KCNN2: variants seen among roughly 807,000 people sequenced by gnomAD.
KCNN2 encodes small conductance calcium-activated potassium channel protein 2.
A neutral mutation model predicts 55.5 loss-of-function variants in KCNN2; 24 were observed. The ratio of observed to expected loss-of-function variants is 0.43; its 90% CI spans 0.31 to 0.61. KCNN2 has a LOEUF of 0.61. Ranked by LOEUF, KCNN2 falls within the 20% of genes least tolerant of loss-of-function variation. The probability of loss-of-function intolerance (pLI) is 0.08; values close to 1 mark genes in which losing one functional copy is unlikely to be tolerated. For missense variants in KCNN2, 754 were observed against 853.6 expected (o/e 0.88, Z 1.45); for synonymous variants, 431 against 336.1 (o/e 1.28, Z -3.09).
intron 1 of KCNN2, among the ~76,000 whole-genome samples, chr5:114,166,426 A>C (rs1001324526): frequency 6.6e-6 from 1 of 152,136 alleles, no homozygotes; most frequent in African/African-American, 2.4e-5. Context: ...TTACTCTCTC[A>C]TTTAGAGTGG....
intron 2 of KCNN2, among the ~76,000 whole-genome samples, chr5:114,375,806 A>G (rs1173704113): frequency 1.3e-5 from 2 of 151,872 alleles, no homozygotes; most frequent in Non-Finnish European, 2.9e-5. Flanking sequence ...ACAAAGAGAA[A>G]TCTCCAATAT....
chr5:114,210,088 A>T (rs900421263), intron 1 of KCNN2, among the ~76,000 whole-genome samples: 2 of 152,132 alleles, frequency 1.3e-5, no homozygotes, highest in African/African-American at 4.8e-5. Context: ...GTCTTTTCAC[A>T]GGATGGTTAG....
intron 4 of KCNN2, 36 bp downstream of exon 4, chr5:114,463,226 C>T (rs186296047): frequency 2.8e-4 from 434 of 1,576,750 alleles, no homozygotes; most frequent in African/African-American, 1.3e-3. Context: ...CTTTTATTTA[C>T]GCTCAAGAAG....
At chr5:114,384,667 A>G (rs1758222810) in intron 2 of KCNN2, among the ~76,000 whole-genome samples, 1 of 152,346 alleles carries the variant, frequency 6.6e-6, no homozygotes, top group African/African-American at 2.4e-5. Flanking sequence ...TATGAGGTAC[A>G]TTCTTCTAAT....
intron 1 of KCNN2, among the ~76,000 whole-genome samples, chr5:114,154,566 T>G (rs1752592660): frequency 6.6e-6 from 1 of 152,178 alleles, no homozygotes. Context: ...ACCCTTTTAC[T>G]TATTTTCAGT....
chr5:114,176,851 A>G (rs1311740280), intron 1 of KCNN2, among the ~76,000 whole-genome samples: 1 of 152,178 alleles, frequency 6.6e-6, no homozygotes, highest in African/African-American at 2.4e-5. Flanking sequence ...AACAAATATT[A>G]TTTGCATCTC....
intron 1 of KCNN2, among the ~76,000 whole-genome samples, chr5:114,117,450 G>A (rs2954352): frequency 1.3e-5 from 2 of 152,078 alleles, no homozygotes; most frequent in Non-Finnish European, 2.9e-5. Flanking sequence ...GGGCCACCTG[G>A]GAGTAGTCAG....
chr5:114,189,267 G>A (rs1753401578), intron 1 of KCNN2, among the ~76,000 whole-genome samples: 2 of 151,974 alleles, frequency 1.3e-5, no homozygotes, highest in African/African-American at 4.8e-5. Context: ...AGAGTCAATG[G>A]TACAAACCCA....
At chr5:114,460,114 C>T (rs571691865) in intron 3 of KCNN2, among the ~76,000 whole-genome samples, 1 of 152,294 alleles carries the variant, frequency 6.6e-6, no homozygotes, top group African/African-American at 2.4e-5. Context: ...GTTGAAATTT[C>T]CCTGCAGGCA....
chr5:114,364,786 C>A (rs1235733848), intron 2 of KCNN2, among the ~76,000 whole-genome samples: 4 of 151,892 alleles, frequency 2.6e-5, no homozygotes, highest in Non-Finnish European at 5.9e-5. Flanking sequence ...ATAGAGTTTT[C>A]AAAAATTAGA....
intron 2 of KCNN2, among the ~76,000 whole-genome samples, chr5:114,300,488 C>T (rs879398955): frequency 2.0e-5 from 3 of 152,086 alleles, no homozygotes; most frequent in Non-Finnish European, 4.4e-5. Context: ...AGACATTAAA[C>T]ACTATAGAGA....
chr5:114,314,255 A>T (rs1407618730), intron 2 of KCNN2, among the ~76,000 whole-genome samples: 1 of 152,120 alleles, frequency 6.6e-6, no homozygotes, highest in African/African-American at 2.4e-5. Flanking sequence ...CCCCCTGCAT[A>T]GTTTCGCTAT....
intron 1 of KCNN2, among the ~76,000 whole-genome samples, chr5:114,157,873 G>C: frequency 6.7e-6 from 1 of 149,054 alleles, no homozygotes; most frequent in Non-Finnish European, 1.5e-5. Context: ...TTGTAAATTT[G>C]TTTGAGTTCA....
chr5:114,315,066 AC>A (rs1756472612), intron 2 of KCNN2, among the ~76,000 whole-genome samples: 1 of 152,086 alleles, frequency 6.6e-6, no homozygotes. Flanking sequence ...GGTGACTCCA[AC>A]CTAGGTTTCT....
intron 2 of KCNN2, among the ~76,000 whole-genome samples, chr5:114,337,509 C>G (rs1020144503): frequency 6.6e-6 from 1 of 152,162 alleles, no homozygotes; most frequent in Non-Finnish European, 1.5e-5. Context: ...TACAAAGTTT[C>G]TTTACTGGGC....
intron 2 of KCNN2, among the ~76,000 whole-genome samples, chr5:114,300,354 C>T (rs1228131734): frequency 6.6e-6 from 1 of 152,188 alleles, no homozygotes; most frequent in African/African-American, 2.4e-5. Context: ...GGACAACAGT[C>T]TCAGCCTCCA....
chr5:114,088,440 A>G (rs1751062623), intron 1 of KCNN2, among the ~76,000 whole-genome samples: 1 of 151,412 alleles, frequency 6.6e-6, no homozygotes, highest in Non-Finnish European at 1.5e-5. Context: ...CTGGGACTCC[A>G]GTTACAGCTG....
chr5:114,464,586 C>T (rs529356995), intron 4 of KCNN2, among the ~76,000 whole-genome samples: 32 of 152,182 alleles, frequency 2.1e-4, no homozygotes, highest in Non-Finnish European at 4.4e-4. Flanking sequence ...GGAAGGAGAG[C>T]GTGCCCTTGG....
At chr5:114,224,804 G>A (rs1580635875) in intron 2 of KCNN2, among the ~76,000 whole-genome samples, 1 of 152,140 alleles carries the variant, frequency 6.6e-6, no homozygotes, top group East Asian at 1.9e-4. Context: ...AAGAGTGTAG[G>A]CTTTGAGTCC....
Sources: allele counts gnomAD v4.1 joint callset (sites outside exome capture counted in the v4.1 genomes callset), GRCh38; gene constraint gnomAD v4.1.1; transcripts MANE v1.5; gene names NCBI Gene and HGNC (gene_info 2026-07-23, HGNC 2026-07-21).